ARHGAP29: variants seen among roughly 807,000 people sequenced by gnomAD.
The protein encoded by ARHGAP29 is Rho GTPase activating protein 29.
Under a neutral mutation model 122.6 loss-of-function variants are expected in ARHGAP29, and 43 were observed. The observed-to-expected ratio is 0.35, with a 90% CI of 0.27 to 0.45. ARHGAP29 has a LOEUF of 0.45. Among genes scored for constraint, ARHGAP29 ranks in the 20% least tolerant of loss-of-function variants. ARHGAP29 has a pLI of 1.00. For synonymous variants in ARHGAP29, 506 were observed against 497.1 expected (o/e 1.02, Z -0.24); for missense variants, 1,303 against 1,477.2 (o/e 0.88, Z 1.93).
chr1:94,197,232 G>A (rs186683742), intron 12 of ARHGAP29, among the ~76,000 whole-genome samples: 114 of 151,894 alleles, frequency 7.5e-4, no homozygotes, highest in African/African-American at 2.6e-3. Flanking sequence ...AATACTACAA[G>A]ACACACTGTG....
In ARHGAP29 at chr1:94,174,028, T is replaced by C. The variant is rs113161530; in HGVS notation, c.3627A>G (p.Pro1209=). The C allele has an allele frequency of 6.2e-7, 1 of 1,614,228 alleles. No individual in the cohort carries two copies. Among genetic ancestry groups the C allele is most frequent in the Non-Finnish European group, 8.5e-7 (1 of 1,180,036 alleles). Residue 1209 remains proline (P), a synonymous_variant, in exon 23 of 23, where the codon CCA becomes CCG. Coordinates refer to ENST00000260526, the MANE Select transcript of ARHGAP29 (RefSeq NM_004815.4). The part of the protein sequence containing the change: ...HGLVVKSMPD[P]DKASACPGQA... ...GCCCAGGACAAGCTGATGCTTTGTC[T>C]GGGTCTGGCATTGACTTCACCACGA...
upstream of ARHGAP29, among the ~76,000 whole-genome samples, chr1:94,279,450 C>T (rs959643148): frequency 2.0e-5 from 3 of 152,156 alleles, no homozygotes; most frequent in African/African-American, 7.2e-5. Context: ...CTAATTTCTC[C>T]TTCCAGTATG....
At chr1:94,288,437 T>C in the ARHGAP29 span, among the ~76,000 whole-genome samples, 1 of 152,152 alleles carries the variant, frequency 6.6e-6, no homozygotes, top group South Asian at 2.1e-4. Flanking sequence ...TTTTCTCCCA[T>C]TCTGTAGGTT....
At chr1:94,306,575 A>G in the ARHGAP29 span, among the ~76,000 whole-genome samples, 1 of 152,342 alleles carries the variant, frequency 6.6e-6, no homozygotes, top group South Asian at 2.1e-4. Flanking sequence ...AATGAGGATC[A>G]AGACTATGGT....
chr1:94,205,388 T>A (rs1651127810), intron 6 of ARHGAP29, among the ~76,000 whole-genome samples, 190 bp from the exon 7 acceptor site: 1 of 152,188 alleles, frequency 6.6e-6, no homozygotes, highest in African/African-American at 2.4e-5. Flanking sequence ...TGTATTTTTA[T>A]CTTAAAATAT....
At chr1:94,290,905 T>C in the ARHGAP29 span, among the ~76,000 whole-genome samples, 3 of 152,214 alleles carry the variant, frequency 2.0e-5, no homozygotes, top group Non-Finnish European at 2.9e-5. Flanking sequence ...TCTGCTGATT[T>C]GGGGTGGAGA....
At position 94,188,820 on chromosome 1, in the gene ARHGAP29, C is replaced by T. The variant is rs749126263; in HGVS notation, c.1681+17G>A. The T allele has an allele frequency of 2.5e-6, 4 of 1,594,522 alleles. No homozygotes were observed. The highest frequency in any genetic ancestry group is 3.4e-6 in the Non-Finnish European group (4 of 1,167,832). On this transcript the variant is annotated intron_variant, in intron 15 of 22. Coordinates refer to ENST00000260526, the MANE Select transcript of ARHGAP29 (RefSeq NM_004815.4). ...CTTTCAATGAGTTTTCATTGCCAGA[C>T]TTAAATATAGATGTACCTGGACTTA...
intron 1 of ARHGAP29, among the ~76,000 whole-genome samples, chr1:94,253,377 T>C (rs1401415815): frequency 6.6e-6 from 1 of 152,200 alleles, no homozygotes; most frequent in Non-Finnish European, 1.5e-5. Flanking sequence ...TCTACACTAA[T>C]GTTTTAAAAT....
chr1:94,186,116 C>T (rs1398388067), intron 16 of ARHGAP29, among the ~76,000 whole-genome samples: 2 of 152,168 alleles, frequency 1.3e-5, no homozygotes, highest in Non-Finnish European at 2.9e-5. Flanking sequence ...TCAAGAAGTA[C>T]ACTTACTTAG....
chr1:94,203,333 G>T, intron 8 of ARHGAP29, 123 bp from the exon 9 acceptor site: 1 of 574,454 alleles, frequency 1.7e-6, no homozygotes, highest in Non-Finnish European at 2.9e-6. Flanking sequence ...AAAATAACTA[G>T]TCAAAAACAT....
At chr1:94,190,843 T>C (rs1222212720) in intron 12 of ARHGAP29, 4 of 152,160 alleles carry the variant, frequency 2.6e-5, no homozygotes, top group Non-Finnish European at 4.4e-5. Flanking sequence ...AATAAAATAC[T>C]TTCTGGTACT....
chr1:94,234,380 A>T (rs1190569824), intron 1 of ARHGAP29, among the ~76,000 whole-genome samples: 2 of 152,232 alleles, frequency 1.3e-5, no homozygotes, highest in Admixed American at 6.5e-5. Context: ...ATAAATTTTT[A>T]AAAAACTCTC....
At chr1:94,307,475 G>A in the ARHGAP29 span, among the ~76,000 whole-genome samples, 3 of 152,094 alleles carry the variant, frequency 2.0e-5, no homozygotes, top group Non-Finnish European at 2.9e-5. Context: ...GTCCAGAAAA[G>A]TAAATACATA....
intron 12 of ARHGAP29, among the ~76,000 whole-genome samples, chr1:94,198,601 C>T (rs1181198694): frequency 2.0e-5 from 3 of 152,106 alleles, no homozygotes; most frequent in Admixed American, 1.3e-4. Context: ...TAAACACATA[C>T]GTATATAGGA....
intron 1 of ARHGAP29, among the ~76,000 whole-genome samples, chr1:94,253,220 C>T (rs1195171481): frequency 2.0e-5 from 3 of 152,094 alleles, no homozygotes; most frequent in African/African-American, 2.4e-5. Flanking sequence ...CCGCCCATCT[C>T]GGTCCCCCTA....
intron 12 of ARHGAP29, among the ~76,000 whole-genome samples, chr1:94,199,356 T>G (rs1650693547): frequency 6.6e-6 from 1 of 152,216 alleles, no homozygotes; most frequent in African/African-American, 2.4e-5. Flanking sequence ...GAAAATGGCA[T>G]AGTGTTTTCA....
At chr1:94,219,471 T>C (rs1652153090) in intron 3 of ARHGAP29, among the ~76,000 whole-genome samples, 1 of 152,210 alleles carries the variant, frequency 6.6e-6, no homozygotes, top group Non-Finnish European at 1.5e-5. Context: ...ACATTCAACC[T>C]GTGTCGTTCT....
chr1:94,219,768 T>C (rs912330671), intron 3 of ARHGAP29, among the ~76,000 whole-genome samples: 1 of 152,232 alleles, frequency 6.6e-6, no homozygotes, highest in African/African-American at 2.4e-5. Flanking sequence ...ACATATATGC[T>C]ATAGATACAC....
At chr1:94,267,481 G>A (rs1454818731) in intron 1 of ARHGAP29, among the ~76,000 whole-genome samples, 2 of 152,102 alleles carry the variant, frequency 1.3e-5, no homozygotes, top group African/African-American at 4.8e-5. Flanking sequence ...AGTATTCTTT[G>A]AGGTCACTGT....
Sources: gnomAD v4.1 joint callset for allele counts (sites outside exome capture counted in the v4.1 genomes callset) on GRCh38, gnomAD v4.1.1 for gene constraint, MANE v1.5 for transcripts, NCBI Gene and HGNC (gene_info 2026-07-23, HGNC 2026-07-21) for gene names.